DNMBP: variants seen among roughly 807,000 people sequenced by gnomAD.
The protein encoded by DNMBP is dynamin-binding protein.
In DNMBP, 87 loss-of-function variants were observed where a neutral mutation model predicts 150.0. That is an observed-to-expected ratio of 0.58 (90% CI 0.49 to 0.69). DNMBP has a LOEUF of 0.69. DNMBP is among the 30% of genes least tolerant of loss of function. The pLI is 0.00. For missense variants in DNMBP, 1,774 were observed against 1,949.0 expected, an observed-to-expected ratio of 0.91 and a Z score of 1.69; for synonymous variants, 711 against 750.4, an observed-to-expected ratio of 0.95 and a Z score of 0.86.
chr10:99,958,249 TAAAA>T (rs910116060), intron 3 of DNMBP: 1 of 152,198 alleles, frequency 6.6e-6, no homozygotes, highest in African/African-American at 2.4e-5. Flanking sequence ...TCACAGTTTT[TAAAA>T]AAGCCATTTT....
chr10:99,978,611 C>T (rs12246492), intron 1 of DNMBP, among the ~76,000 whole-genome samples: 1 of 152,082 alleles, frequency 6.6e-6, no homozygotes, highest in East Asian at 1.9e-4. Flanking sequence ...GAGACAGGGT[C>T]TCTGTCACCT....
intron 1 of DNMBP, among the ~76,000 whole-genome samples, chr10:99,998,107 C>T (rs1253630854): frequency 3.3e-5 from 5 of 150,830 alleles, no homozygotes; most frequent in Non-Finnish European, 4.4e-5. Context: ...TGGTGGCGCA[C>T]ACCTGTATTC....
At position 99,879,101 on chromosome 10, in the gene DNMBP, A is replaced by AAAAAAAAAAAAAAAC. The variant is rs1554857510; in HGVS notation, c.4548+709_4548+710insGTTTTTTTTTTTTTT. ...CTCTGTCTCAAAAAAAAAAAAAAAA[A>AAAAAAAAAAAAAAAC]CCCAAAACGTTTGAGATACAAAGCC... On this transcript the variant is annotated intron_variant, in intron 16 of 16. Transcript: ENST00000324109. Among the ~76,000 whole-genome samples, 43 of 135,142 alleles carry AAAAAAAAAAAAAAAC rather than the reference A, an allele frequency of 3.2e-4. 1 individual carries two copies. The highest frequency in any genetic ancestry group is 1.1e-3 in the African/African-American group (35 of 31,700). 88.7% of individuals were successfully genotyped at this position (135,142 alleles called of 152,430 possible).
chr10:99,936,556 C>T (rs1352862718), intron 4 of DNMBP, among the ~76,000 whole-genome samples: 1 of 151,142 alleles, frequency 6.6e-6, no homozygotes, highest in Non-Finnish European at 1.5e-5. Context: ...ACTCTGTTGC[C>T]CAGGCCGGAG....
In DNMBP at chr10:99,877,092, C is replaced by CGTATCATAAA; in HGVS notation, c.*58_*59insTTTATGATAC. On this transcript the variant is annotated 3_prime_UTR_variant, in exon 17 of 17. Coordinates refer to ENST00000324109, the MANE Select transcript of DNMBP (RefSeq NM_015221.4). ...AGCAGGCGCCCTCTCGGTGGGCCGC[C>CGTATCATAAA]AGAACCCTCGGCGGACTGAAAGCAA... 1 of 1,383,414 alleles carries CGTATCATAAA rather than the reference C, an allele frequency of 7.2e-7. No homozygotes were observed. The highest frequency in any genetic ancestry group is 9.5e-7 in the Non-Finnish European group (1 of 1,056,938). The allele number at this position is 1,383,414 out of a possible 1,614,324, so 85.7% of individuals were successfully genotyped here.
At chr10:99,885,407 G>A (rs1472687702) in intron 14 of DNMBP, among the ~76,000 whole-genome samples, 1 of 152,148 alleles carries the variant, frequency 6.6e-6, no homozygotes, top group African/African-American at 2.4e-5. Flanking sequence ...CTACTTGGGA[G>A]GCTGAAGCAG....
intron 4 of DNMBP, among the ~76,000 whole-genome samples, chr10:99,948,832 G>A (rs371500620): frequency 1.6e-4 from 25 of 151,870 alleles, no homozygotes; most frequent in Non-Finnish European, 2.9e-4. Flanking sequence ...GTGTGGTGGC[G>A]GGCACCTGTA....
chr10:99,898,817 A>T (rs1172739412), intron 7 of DNMBP, 57 bp from the exon 8 acceptor site: 1 of 1,505,262 alleles, frequency 6.6e-7, no homozygotes, highest in African/African-American at 1.4e-5. Context: ...GAGAATCTTG[A>T]GTTTCACATT....
chr10:99,880,414 G>A lies in DNMBP; in HGVS notation c.3998-53C>T, dbSNP rs1244392949. ...AGAACTCTTAGCAGAAGGCTGGACA[G>A]ACAGAGGGAGCATTGAGAGAAAAAA... On this transcript the variant is annotated intron_variant, in intron 15 of 16. Transcript: ENST00000324109. 13 of 1,472,100 alleles carry A rather than the reference G, an allele frequency of 8.8e-6. No homozygotes were observed. The South Asian group carries it at 1.5e-4, about 18-fold the overall frequency. The allele number at this position is 1,472,100 out of a possible 1,614,324, so 91.2% of individuals were successfully genotyped here. A position where few individuals can be genotyped will look rare whatever the true frequency, so the allele number is the denominator to read the frequency against.
At chr10:99,931,264 C>A (rs569935900) in intron 4 of DNMBP, among the ~76,000 whole-genome samples, 1 of 152,304 alleles carries the variant, frequency 6.6e-6, no homozygotes, top group South Asian at 2.1e-4. Flanking sequence ...CACCTCCATT[C>A]CCCATCCTCC....
At chr10:99,952,430 T>G (rs1358036758) in intron 4 of DNMBP, among the ~76,000 whole-genome samples, 1 of 152,184 alleles carries the variant, frequency 6.6e-6, no homozygotes, top group African/African-American at 2.4e-5. Context: ...GAAATCAAGG[T>G]ATCTGGCATT....
Position 99,988,015 on chromosome 10 carries a change from G to A in DNMBP, c.-10-15881C>T, listed in dbSNP as rs549574175. Among the ~76,000 whole-genome samples the A allele has an allele frequency of 1.1e-4, 16 of 152,256 alleles. No individual in the cohort carries two copies. The East Asian group carries it at 3.1e-3, about 29-fold the overall frequency. On this transcript the variant is annotated intron_variant, in intron 1 of 16. Transcript: ENST00000324109. ...GTCTGATCATTGGGATTCCTGCTCA[G>A]AGGCAGGCGGGGGAAATAGTTCACA...
At chr10:99,976,857 T>C (rs2040733190) in intron 1 of DNMBP, among the ~76,000 whole-genome samples, 1 of 152,172 alleles carries the variant, frequency 6.6e-6, no homozygotes, top group South Asian at 2.1e-4. Flanking sequence ...ATTAAAACTA[T>C]TCCTTAACCT....
At chr10:99,913,059 C>CT (rs1337602871) in intron 4 of DNMBP, among the ~76,000 whole-genome samples, 1 of 152,054 alleles carries the variant, frequency 6.6e-6, no homozygotes, top group Non-Finnish European at 1.5e-5. Flanking sequence ...CTTTGGGAGT[C>CT]TGAGGTGGGA....
At position 99,877,179 on chromosome 10, in the gene DNMBP, T is replaced by C; in HGVS notation, c.4706A>G (p.Asn1569Ser). ...GGTGTACTCGGTTTTGCGGATATAA[T>C]TGGAGGGAACGTAGCCCTTCTTCCC... Reference protein sequence around the residue: ...VNGKKGYVPSNYIRKTEYT With the variant: ...VNGKKGYVPSSYIRKTEYT Residue 1569 changes from asparagine to serine, a missense_variant, in exon 17 of 17, where the codon AAT becomes AGT. Physicochemically the swap from Asn to Ser is conservative, Grantham distance 46 (BLOSUM62 1). Coordinates refer to ENST00000324109, the MANE Select transcript of DNMBP (RefSeq NM_015221.4). 6 of 1,612,560 alleles carry C rather than the reference T, an allele frequency of 3.7e-6. No individual in the cohort carries two copies. Among genetic ancestry groups the C allele is most frequent in the Non-Finnish European group, 5.1e-6 (6 of 1,179,452 alleles).
chr10:100,007,399 C>T (rs936999654), intron 1 of DNMBP, among the ~76,000 whole-genome samples: 1 of 151,834 alleles, frequency 6.6e-6, no homozygotes, highest in African/African-American at 2.4e-5. Context: ...CCGGCACACA[C>T]AGGTGCCCCC....
At chr10:99,996,550 T>C (rs964243337) in intron 1 of DNMBP, among the ~76,000 whole-genome samples, 2 of 152,090 alleles carry the variant, frequency 1.3e-5, no homozygotes, top group East Asian at 3.8e-4. Context: ...ACCCAAAAGA[T>C]TTTCATAACT....
intron 4 of DNMBP, among the ~76,000 whole-genome samples, chr10:99,920,918 A>C (rs2133266001): frequency 6.6e-6 from 1 of 151,868 alleles, no homozygotes; most frequent in Non-Finnish European, 1.5e-5. Context: ...GAGCTCAAGG[A>C]ATCTTCCTGC....
chr10:99,879,710 C>T, intron 16 of DNMBP, 101 bp downstream of exon 16: 1 of 1,548,560 alleles, frequency 6.5e-7, no homozygotes, highest in South Asian at 1.3e-5. Flanking sequence ...TCTCAGATCA[C>T]CCCTAGGCCT....
Sources: allele counts gnomAD v4.1 joint callset (sites outside exome capture counted in the v4.1 genomes callset), GRCh38; gene constraint gnomAD v4.1.1; transcripts MANE v1.5; gene names NCBI Gene and HGNC (gene_info 2026-07-23, HGNC 2026-07-21).